CALM2: variants seen among roughly 807,000 people sequenced by gnomAD.
The protein encoded by CALM2 is calmodulin 2, also known as calmodulin-2.
A neutral mutation model predicts 19.8 loss-of-function variants in CALM2; 2 were observed. That is an observed-to-expected ratio of 0.10 (90% CI 0.04 to 0.32). The LOEUF (loss-of-function observed/expected upper bound fraction) is 0.32, where lower values mean the gene tolerates loss of function less well. Among genes scored for constraint, CALM2 ranks in the 10% least tolerant of loss-of-function variants. CALM2 has a pLI of 1.00. For missense variants in CALM2, 38 were observed against 178.7 expected, an observed-to-expected ratio of 0.21 and a Z score of 4.49; for synonymous variants, 51 against 52.1, an observed-to-expected ratio of 0.98 and a Z score of 0.09.
chr2:47,164,524 G>A (rs1391640708), intron 2 of CALM2, among the ~76,000 whole-genome samples: 1 of 151,302 alleles, frequency 6.6e-6, no homozygotes, highest in Non-Finnish European at 1.5e-5. Flanking sequence ...TTGAACCCGA[G>A]AGGCGGAGGT....
rs1687182716 is a variant in CALM2, at chr2:47,162,203, A to AAAAAAAAAAC, written c.285+82_285+83insGTTTTTTTTT. The AAAAAAAAAAC allele has an allele frequency of 6.2e-6, 3 of 487,000 alleles. No individual in the cohort carries two copies. The African/African-American group carries it at 7.2e-5, about 12-fold the overall frequency. 30.2% of individuals were successfully genotyped at this position (487,000 alleles called of 1,614,324 possible). On this transcript the variant is annotated intron_variant, in intron 4 of 5. Coordinates refer to ENST00000272298, the MANE Select transcript of CALM2 (RefSeq NM_001743.6). ...AAAAAAAAAAAAAAAAAAAAAAACA[A>AAAAAAAAAAC]CCAAAAAAACACAAGTCTTCATAAT...
chr2:47,164,248 A>G lies in CALM2; in HGVS notation c.35-1586T>C, dbSNP rs1482764086. 1.2e-3 allele frequency among the ~76,000 whole-genome samples: 90 copies of G among 77,880 alleles called. 3 individuals are homozygous for G. Among genetic ancestry groups the G allele is most frequent in the African/African-American group, 2.5e-3 (83 of 33,110 alleles). 51.1% of individuals were successfully genotyped at this position (77,880 alleles called of 152,430 possible). A position where few individuals can be genotyped will look rare whatever the true frequency, so the allele number is the denominator to read the frequency against. On this transcript the variant is annotated intron_variant, in intron 2 of 5. Coordinates refer to ENST00000272298, the MANE Select transcript of CALM2 (RefSeq NM_001743.6). ...GCGAGACTCCGTCTCAAAAAAAAAA[A>G]AAAAGAAGAAAAAGAAAAGAAACCC...
chr2:47,176,244 GC>G (rs1030778655), intron 1 of CALM2, 196 bp downstream of exon 1: 2 of 608,858 alleles, frequency 3.3e-6, no homozygotes, highest in African/African-American at 1.9e-5. Context: ...ACTAGAGGAA[GC>G]CCCCCTGAAG....
chr2:47,163,260 TAAAG>T lies in CALM2; in HGVS notation c.35-602_35-599del, dbSNP rs1687211779. ...TAGTAAGGCAGGAGAAGGGACTATA[TAAAG>T]AGTCTATAACAATGGGCTGATCAAG... On this transcript the variant is annotated intron_variant, in intron 2 of 5. Transcript: ENST00000272298. The T allele has an allele frequency of 2.0e-5, 3 of 152,550 alleles. No individual in the cohort carries two copies. The East Asian group carries it at 5.8e-4, about 29-fold the overall frequency. 9.4% of individuals were successfully genotyped at this position (152,550 alleles called of 1,614,324 possible).
chr2:47,165,452 A>C (rs904415191), intron 2 of CALM2, among the ~76,000 whole-genome samples: 25 of 152,210 alleles, frequency 1.6e-4, no homozygotes, highest in African/African-American at 5.8e-4. Context: ...ACTTAGAACT[A>C]TGTCCAACAA....
intron 2 of CALM2, chr2:47,167,743 C>A (rs1558697901): frequency 8.5e-6 from 1 of 117,976 alleles, no homozygotes; most frequent in Non-Finnish European, 1.8e-5. Context: ...GTAACTTCAT[C>A]TACACAAGGA....
At chr2:47,171,626 T>C (rs1666671484) in intron 1 of CALM2, 2 of 152,176 alleles carry the variant, frequency 1.3e-5, no homozygotes, top group Non-Finnish European at 2.9e-5. Context: ...AGACTCCTTG[T>C]TGTATTCTTT....
intron 1 of CALM2, among the ~76,000 whole-genome samples, chr2:47,175,087 T>TG (rs1666806879): frequency 2.3e-5 from 3 of 131,808 alleles, no homozygotes; most frequent in Non-Finnish European, 4.5e-5. Flanking sequence ...AGGTGTTTTT[T>TG]TTTTTTTTTT....
chr2:47,175,111 T>C (rs1469448104), intron 1 of CALM2, among the ~76,000 whole-genome samples: 1 of 71,324 alleles, frequency 1.4e-5, no homozygotes, highest in South Asian at 5.1e-4. Flanking sequence ...GGAAAGAACA[T>C]GATCTCCCAG....
chr2:47,167,187 A>C (rs762793166), intron 2 of CALM2, among the ~76,000 whole-genome samples: 29 of 152,190 alleles, frequency 1.9e-4, no homozygotes, highest in Non-Finnish European at 2.8e-4. Flanking sequence ...TACATTGAGT[A>C]ATATTAATAT....
At chr2:47,169,655 T>G (rs1666604729) in intron 2 of CALM2, among the ~76,000 whole-genome samples, 1 of 152,232 alleles carries the variant, frequency 6.6e-6, no homozygotes, top group Admixed American at 6.5e-5. Flanking sequence ...AATTTGTCTT[T>G]AATACTAATA....
intron 1 of CALM2, chr2:47,173,970 C>T (rs1666762415): frequency 6.6e-6 from 1 of 152,216 alleles, no homozygotes. Flanking sequence ...TAAATTCTAG[C>T]TGAAGCTAGA....
intron 2 of CALM2, among the ~76,000 whole-genome samples, chr2:47,167,869 A>G (rs928559019): frequency 1.5e-5 from 2 of 129,690 alleles, no homozygotes; most frequent in African/African-American, 6.2e-5. Context: ...CCTGGGCTCA[A>G]GCAATCCCAC....
At chr2:47,172,053 T>A (rs1666686710) in intron 1 of CALM2, 1 of 148,706 alleles carries the variant, frequency 6.7e-6, no homozygotes, top group Admixed American at 6.7e-5. Flanking sequence ...AAATACAGAG[T>A]TTGTAAAATA....
At position 47,162,028 on chromosome 2, in the gene CALM2, T is replaced by A. The variant is rs186427740; in HGVS notation, c.286-170A>T. 1.1e-3 allele frequency among the ~76,000 whole-genome samples: 171 copies of A among 152,188 alleles called. 1 individual carries two copies. Among genetic ancestry groups the A allele is most frequent in the African/African-American group, 3.9e-3 (162 of 41,528 alleles). On this transcript the variant is annotated intron_variant, in intron 4 of 5. Coordinates refer to ENST00000272298, the MANE Select transcript of CALM2 (RefSeq NM_001743.6). ...ATGTCATTAAGAGCCAAGCAAAATG[T>A]CCTACATTGAAATCATTATTTCCTA...
At chr2:47,162,802 TG>T in intron 2 of CALM2, 140 bp from the exon 3 acceptor site, 1 of 639,770 alleles carries the variant, frequency 1.6e-6, no homozygotes, top group Non-Finnish European at 2.6e-6. Flanking sequence ...CTGGCCAAAC[TG>T]TAAGACCCCA....
At position 47,175,181 on chromosome 2, in the gene CALM2, C is replaced by G. The variant is rs565605379; in HGVS notation, c.3+1260G>C. Among the ~76,000 whole-genome samples, 9 of 150,492 alleles carry G rather than the reference C, an allele frequency of 6.0e-5. 1 individual carries two copies. The highest frequency in any genetic ancestry group is 2.2e-4 in the African/African-American group (9 of 41,076). The stretch of plus-strand genomic sequence containing the variant: ...CTGCTCCTCCCCCGCATACACTCTT[C>G]CATCACAGTATTTGACAGACAAACA... On this transcript the variant is annotated intron_variant, in intron 1 of 5. Transcript: ENST00000272298.
chr2:47,164,528 C>T (rs539017479), intron 2 of CALM2, among the ~76,000 whole-genome samples: 6 of 150,390 alleles, frequency 4.0e-5, no homozygotes, highest in East Asian at 2.0e-4. Context: ...ACCCGAGAGG[C>T]GGAGGTTGCA....
intron 2 of CALM2, among the ~76,000 whole-genome samples, chr2:47,168,695 C>T (rs1573224520): frequency 6.6e-6 from 1 of 151,976 alleles, no homozygotes; most frequent in Non-Finnish European, 1.5e-5. Context: ...GCCTGGGCAA[C>T]AAGAGTGAAA....
Sources: allele counts gnomAD v4.1 joint callset (sites outside exome capture counted in the v4.1 genomes callset), GRCh38; gene constraint gnomAD v4.1.1; transcripts MANE v1.5; gene names NCBI Gene and HGNC (gene_info 2026-07-23, HGNC 2026-07-21).